Variants in AKAP13 observed in about 807,000 individuals in gnomAD.
The protein encoded by AKAP13 is A-kinase anchoring protein 13.
In AKAP13, 80 loss-of-function variants were observed where a neutral mutation model predicts 264.5. The observed-to-expected ratio is 0.30, with a 90% CI of 0.25 to 0.36. The LOEUF (loss-of-function observed/expected upper bound fraction) is 0.36. AKAP13 is among the 10% of genes least tolerant of loss of function. The pLI is 1.00. For synonymous variants in AKAP13, 1,380 were observed against 1,250.2 expected (o/e 1.10, Z -2.19); for missense variants, 3,712 against 3,435.2 (o/e 1.08, Z -2.01).
intron 8 of AKAP13, among the ~76,000 whole-genome samples, chr15:85,594,834 G>A (rs2151341332): frequency 6.6e-6 from 1 of 152,300 alleles, no homozygotes; most frequent in African/African-American, 2.4e-5. Context: ...ATTTTAACAA[G>A]AGTCTAGTGA....
chr15:85,415,512 C>G, intron 1 of AKAP13: 1 of 1,526,812 alleles, frequency 6.5e-7, no homozygotes, highest in Non-Finnish European at 9.0e-7. Context: ...TGCATTGGTT[C>G]AACATCAGGA....
intron 18 of AKAP13, 23 bp from the exon 19 acceptor site, chr15:85,710,556 G>A: frequency 1.2e-6 from 2 of 1,611,998 alleles, no homozygotes; most frequent in South Asian, 1.1e-5. Context: ...AATTGTCAAT[G>A]GACTTACTTT....
At chr15:85,740,615 C>G (rs1036178454) in intron 34 of AKAP13, 3 of 341,144 alleles carry the variant, frequency 8.8e-6, no homozygotes, top group Non-Finnish European at 1.6e-5. Context: ...AATAGAGTGG[C>G]CTTCCTAATA....
intron 2 of AKAP13, among the ~76,000 whole-genome samples, chr15:85,491,212 A>C (rs1442588707): frequency 3.3e-5 from 5 of 151,982 alleles, no homozygotes; most frequent in African/African-American, 1.2e-4. Flanking sequence ...ACCTTCCCTC[A>C]CATCTGAACC....
intron 1 of AKAP13, among the ~76,000 whole-genome samples, chr15:85,413,645 A>G (rs1186093351): frequency 6.6e-6 from 1 of 152,200 alleles, no homozygotes; most frequent in Non-Finnish European, 1.5e-5. Flanking sequence ...GACTCAACCC[A>G]GGCACCCTGC....
At chr15:85,634,982 A>T (rs759748720) in intron 8 of AKAP13, 4 of 396,964 alleles carry the variant, frequency 1.0e-5, no homozygotes, top group Admixed American at 4.4e-5. Flanking sequence ...TTTGATGGCA[A>T]TCTGGACTGT....
chr15:85,426,468 C>T (rs1466169526), intron 1 of AKAP13, among the ~76,000 whole-genome samples: 1 of 151,798 alleles, frequency 6.6e-6, no homozygotes, highest in East Asian at 1.9e-4. Context: ...TGAGGTAGCA[C>T]AGTCTGTGGA....
intron 15 of AKAP13, among the ~76,000 whole-genome samples, chr15:85,682,957 T>A (rs2151606960): frequency 1.2e-4 from 1 of 8,410 alleles, no homozygotes; most frequent in East Asian, 6.1e-3. Flanking sequence ...GTGAAATTGA[T>A]TCTTTACTTG....
intron 19 of AKAP13, among the ~76,000 whole-genome samples, chr15:85,712,324 T>A (rs776355202): frequency 3.9e-5 from 6 of 152,224 alleles, no homozygotes; most frequent in African/African-American, 7.2e-5. Flanking sequence ...CACACGTAGA[T>A]GACTAGAAGA....
At chr15:85,631,138 C>T (rs552885650) in intron 8 of AKAP13, among the ~76,000 whole-genome samples, 1 of 152,162 alleles carries the variant, frequency 6.6e-6, no homozygotes, top group East Asian at 1.9e-4. Context: ...ATGGGTGAAC[C>T]TCAAAAACAT....
Position 85,657,700 on chromosome 15 carries a change from G to A in AKAP13, c.4746-837G>A, listed in dbSNP as rs573625445. 1.5e-4 allele frequency among the ~76,000 whole-genome samples: 22 copies of A among 142,848 alleles called. 1 individual carries two copies. The South Asian group carries it at 1.9e-3, about 13-fold the overall frequency. 93.7% of individuals were successfully genotyped at this position (142,848 alleles called of 152,430 possible). ...AAAAAGTAATTTCCCAGTTTTGCTC[G>A]TGGTGTACTCTTTTTTTTTTTTTTT... On this transcript the variant is annotated intron_variant, in intron 11 of 36. Transcript: ENST00000394518.
At chr15:85,696,984 T>C (rs560546874) in intron 17 of AKAP13, among the ~76,000 whole-genome samples, 2 of 152,302 alleles carry the variant, frequency 1.3e-5, no homozygotes, top group South Asian at 4.1e-4. Flanking sequence ...TTGATGAATC[T>C]GGAGTCCAAG....
chr15:85,468,216 G>C (rs1330563407), intron 1 of AKAP13, among the ~76,000 whole-genome samples: 2 of 152,110 alleles, frequency 1.3e-5, no homozygotes, highest in African/African-American at 4.8e-5. Flanking sequence ...TTTCTAGTCT[G>C]GCCCTCAATT....
chr15:85,614,335 G>C (rs970374459), intron 8 of AKAP13, among the ~76,000 whole-genome samples: 4 of 152,208 alleles, frequency 2.6e-5, no homozygotes, highest in African/African-American at 9.7e-5. Flanking sequence ...AGCCAGATCA[G>C]TGTATCTGTT....
In AKAP13 at chr15:85,479,189, G is replaced by A. The variant is rs16940287; in HGVS notation, c.-11-6521G>A. Among the ~76,000 whole-genome samples, 33 of 152,266 alleles carry A rather than the reference G, an allele frequency of 2.2e-4. No individual in the cohort carries two copies. The East Asian group carries it at 4.0e-3, about 19-fold the overall frequency. The stretch of plus-strand genomic sequence containing the variant: ...ACTTTTTGTATCCTGGTCTTCTTCC[G>A]TTGTTCAGAATTTCTAGCTCATATT... On this transcript the variant is annotated intron_variant, in intron 1 of 36. Transcript: ENST00000394518.
intron 10 of AKAP13, among the ~76,000 whole-genome samples, chr15:85,654,717 G>A (rs373807837): frequency 5.3e-5 from 8 of 152,032 alleles, no homozygotes; most frequent in Non-Finnish European, 1.2e-4. Flanking sequence ...CCAGCCACTC[G>A]GGAGGCTGAG....
At chr15:85,630,234 A>AACACACACACACAC (rs71141472) in intron 8 of AKAP13, among the ~76,000 whole-genome samples, 17,254 of 118,676 alleles carry the variant, frequency 0.15, 1,468 homozygotes, top group South Asian at 0.19. Context: ...GGAAAATTGT[A>AACACACACACACAC]ACACACACAC....
At chr15:85,711,687 G>A (rs1292071747) in intron 19 of AKAP13, among the ~76,000 whole-genome samples, 1 of 152,134 alleles carries the variant, frequency 6.6e-6, no homozygotes, top group Non-Finnish European at 1.5e-5. Context: ...CTTCTTAGCT[G>A]GCTCCATGGG....
intron 1 of AKAP13, among the ~76,000 whole-genome samples, chr15:85,381,248 C>G (rs1255779353): frequency 1.3e-5 from 2 of 152,076 alleles, no homozygotes; most frequent in African/African-American, 2.4e-5. Flanking sequence ...GTGGAGTCCG[C>G]GCCGTGAACA....
Sources: gnomAD v4.1 joint callset for allele counts (sites outside exome capture counted in the v4.1 genomes callset) on GRCh38, gnomAD v4.1.1 for gene constraint, MANE v1.5 for transcripts, NCBI Gene and HGNC (gene_info 2026-07-23, HGNC 2026-07-21) for gene names.